Variants in RAP1GAP2 observed in about 807,000 individuals in gnomAD.
The protein encoded by RAP1GAP2 is rap1 GTPase-activating protein 2.
A neutral mutation model predicts 95.0 loss-of-function variants in RAP1GAP2; 27 were observed. The ratio of observed to expected loss-of-function variants is 0.28; its 90% CI spans 0.21 to 0.39. The LOEUF is 0.39. Ranked by LOEUF, RAP1GAP2 falls within the 10% of genes least tolerant of loss-of-function variation. The pLI, the probability that RAP1GAP2 is intolerant of heterozygous loss-of-function variation, is 1.00. For synonymous variants in RAP1GAP2, 373 were observed against 380.9 expected, an observed-to-expected ratio of 0.98 and a Z score of 0.24; for missense variants, 771 against 970.0, an observed-to-expected ratio of 0.79 and a Z score of 2.72.
Position 2,799,698 on chromosome 17 carries a change from G to A in RAP1GAP2, c.45-817G>A, listed in dbSNP as rs145060475. 7.0e-3 allele frequency among the ~76,000 whole-genome samples: 1,071 copies of A among 152,316 alleles called. 8 individuals are homozygous for A. Among genetic ancestry groups the A allele is most frequent in the Non-Finnish European group, 0.011 (756 of 68,026 alleles). Reference sequence around the variant, plus strand: ...CAGCATTGGTGCTGGTGGCAGTGCTGGTGACAGTGGTGGTCACGACCCTTC... The same window carrying A: ...CAGCATTGGTGCTGGTGGCAGTGCTAGTGACAGTGGTGGTCACGACCCTTC... On this transcript the variant is annotated intron_variant, in intron 1 of 24. Transcript: ENST00000254695.
At chr17:2,889,889 A>ATCTATATTT (rs1408426152) in intron 2 of RAP1GAP2, among the ~76,000 whole-genome samples, 1 of 57,324 alleles carries the variant, frequency 1.7e-5, no homozygotes. Context: ...ATATATATAT[A>ATCTATATTT]TTTTTTTTTT....
rs184265094 is a variant in RAP1GAP2 at position 2,783,996 on chromosome 17, G to A, written c.-14+6718G>A. Among the ~76,000 whole-genome samples the A allele has an allele frequency of 1.4e-4, 21 of 152,212 alleles. No individual in the cohort carries two copies. The East Asian group carries it at 3.1e-3, about 22-fold the overall frequency. Reference sequence around the variant, plus strand: ...ATTTTATTTGTTTATTTATTGAGATGGAGTCTTGCTCTGTTGCCCAGGGTG... The same window carrying A: ...ATTTTATTTGTTTATTTATTGAGATAGAGTCTTGCTCTGTTGCCCAGGGTG... On this transcript the variant is annotated intron_variant, in intron 1 of 24. Coordinates refer to the RAP1GAP2 transcript ENST00000540393.
intron 3 of RAP1GAP2, among the ~76,000 whole-genome samples, chr17:2,927,286 T>G (rs1430922935): frequency 6.6e-6 from 1 of 151,906 alleles, no homozygotes; most frequent in East Asian, 2.0e-4. Context: ...CCCGAGTAGC[T>G]GGGACTACAG....
At chr17:2,951,650 C>G (rs1024208275) in intron 3 of RAP1GAP2, among the ~76,000 whole-genome samples, 1 of 151,872 alleles carries the variant, frequency 6.6e-6, no homozygotes, top group African/African-American at 2.4e-5. Flanking sequence ...GCCAGGAGAT[C>G]GAGACTGCAG....
chr17:2,792,893 A>C (rs923218749), upstream of RAP1GAP2, among the ~76,000 whole-genome samples: 4 of 152,214 alleles, frequency 2.6e-5, no homozygotes, highest in Admixed American at 2.6e-4. Flanking sequence ...CCAGGTGTTC[A>C]TAGCTGGGCA....
Position 2,817,044 on chromosome 17 carries a change from G to A in RAP1GAP2, c.80+16494G>A, listed in dbSNP as rs529903086. Among the ~76,000 whole-genome samples, 6 of 94,492 alleles carry A rather than the reference G, an allele frequency of 6.3e-5. 1 individual carries two copies. Among genetic ancestry groups the A allele is most frequent in the South Asian group, 3.4e-4 (1 of 2,952 alleles). 62.0% of individuals were successfully genotyped at this position (94,492 alleles called of 152,430 possible). On this transcript the variant is annotated intron_variant, in intron 2 of 24. Transcript: ENST00000254695. Reference sequence around the variant, plus strand: ...GCTCTGTTGCCCAGGCTGGATTGCCGTGGTATGATCTTGGCTCACTGCAGC... The same window carrying A: ...GCTCTGTTGCCCAGGCTGGATTGCCATGGTATGATCTTGGCTCACTGCAGC...
chr17:2,891,301 C>G (rs933474380), intron 2 of RAP1GAP2, among the ~76,000 whole-genome samples: 4 of 151,974 alleles, frequency 2.6e-5, no homozygotes, highest in African/African-American at 9.7e-5. Flanking sequence ...GTGCTTGCCA[C>G]CATGCCTGGC....
intron 4 of RAP1GAP2, among the ~76,000 whole-genome samples, chr17:2,960,556 G>C (rs2044279602): frequency 6.6e-6 from 1 of 152,244 alleles, no homozygotes; most frequent in South Asian, 2.1e-4. Flanking sequence ...TGTCCACAGA[G>C]TGTGGGGTAC....
chr17:2,936,308 A>G (rs2317469), intron 3 of RAP1GAP2, among the ~76,000 whole-genome samples: 92,076 of 134,514 alleles, frequency 0.68, 32,123 homozygotes, highest in Non-Finnish European at 0.78. Context: ...GCTGGCCTTC[A>G]TGCCTCCTTC....
intron 17 of RAP1GAP2, among the ~76,000 whole-genome samples, chr17:3,015,188 A>G (rs1359226720): frequency 3.6e-5 from 5 of 139,758 alleles, no homozygotes; most frequent in African/African-American, 1.4e-4. Flanking sequence ...TTGCTAGGTG[A>G]CCCTGTTCTA....
chr17:2,820,891 G>GTTTTTTTTTTTTT (rs1475267891), intron 2 of RAP1GAP2, among the ~76,000 whole-genome samples: 7,424 of 112,932 alleles, frequency 0.066, 810 homozygotes, highest in South Asian at 0.12. Context: ...CCCGGATAAT[G>GTTTTTTTTTTTTT]GTTTTTTTTT....
At chr17:2,889,166 C>G (rs975306941) in intron 2 of RAP1GAP2, among the ~76,000 whole-genome samples, 1 of 152,112 alleles carries the variant, frequency 6.6e-6, no homozygotes, top group African/African-American at 2.4e-5. Context: ...GTGCTGTGTT[C>G]CATAGTGGCT....
At chr17:2,974,169 G>A (rs934116057) in intron 8 of RAP1GAP2, among the ~76,000 whole-genome samples, 278 of 142,876 alleles carry the variant, frequency 1.9e-3, no homozygotes, top group Non-Finnish European at 2.8e-3. Context: ...GTGAAACCCT[G>A]TCTCTACTAA....
intron 1 of RAP1GAP2, among the ~76,000 whole-genome samples, chr17:2,764,566 CA>C (rs1391843780): frequency 4.6e-5 from 7 of 151,838 alleles, no homozygotes; most frequent in East Asian, 1.9e-4. Flanking sequence ...ACTAAAAGCA[CA>C]AAAATTAGCT....
chr17:2,906,816 A>C lies in RAP1GAP2; in HGVS notation c.165+1448A>C, dbSNP rs771780651. Among the ~76,000 whole-genome samples, 7 of 152,124 alleles carry C rather than the reference A, an allele frequency of 4.6e-5. No individual in the cohort carries two copies. Among genetic ancestry groups the C allele is most frequent in the Non-Finnish European group, 8.8e-5 (6 of 68,012 alleles). ...ATTTTACTTACTCATGTACTCATTTAATTCATTTAATACCCAGTATTTATT... is the reference window on the plus strand; with the variant it reads ...ATTTTACTTACTCATGTACTCATTTCATTCATTTAATACCCAGTATTTATT... On this transcript the variant is annotated intron_variant, in intron 3 of 24. Coordinates refer to ENST00000254695, the MANE Select transcript of RAP1GAP2 (RefSeq NM_015085.5). The surrounding 1 kb of genome is among the most constrained non-coding windows in gnomAD (Gnocchi z 4.3).
At position 2,933,669 on chromosome 17, in the gene RAP1GAP2, C is replaced by A. The variant is rs544426678; in HGVS notation, c.166-24090C>A. Among the ~76,000 whole-genome samples, 5 of 152,380 alleles carry A rather than the reference C, an allele frequency of 3.3e-5. No homozygotes were observed. In the South Asian group the frequency reaches 1.0e-3, roughly 32 times the overall value. On this transcript the variant is annotated intron_variant, in intron 3 of 24. Transcript: ENST00000254695. ...CTCTAAGCCTTTGCCTGGGCTGTTCCCTCTCCTAGAATGCCTAACCCTCTA... is the reference window on the plus strand; with the variant it reads ...CTCTAAGCCTTTGCCTGGGCTGTTCACTCTCCTAGAATGCCTAACCCTCTA...
chr17:3,025,142 C>T (rs533242709), intron 19 of RAP1GAP2, among the ~76,000 whole-genome samples: 6 of 152,128 alleles, frequency 3.9e-5, no homozygotes, highest in South Asian at 4.1e-4. Flanking sequence ...TCTGGGAGCC[C>T]GATACAGGCA....
At chr17:2,794,692 G>T (rs1211115152), upstream of RAP1GAP2, among the ~76,000 whole-genome samples, 1 of 152,166 alleles carries the variant, frequency 6.6e-6, no homozygotes, top group Non-Finnish European at 1.5e-5. Context: ...GTCCCCTGCT[G>T]TGAAGGAGTC....
upstream of RAP1GAP2, among the ~76,000 whole-genome samples, chr17:2,773,458 C>T (rs2068436472): frequency 6.6e-6 from 1 of 152,084 alleles, no homozygotes; most frequent in Admixed American, 6.6e-5. Flanking sequence ...GCCACATGGG[C>T]AGGGGGATGG....
Sources: gnomAD v4.1 joint callset for allele counts (sites outside exome capture counted in the v4.1 genomes callset) on GRCh38, gnomAD v4.1.1 for gene constraint, Gnocchi (gnomAD v3.1) non-coding constraint, MANE v1.5 for transcripts, NCBI Gene and HGNC (gene_info 2026-07-23, HGNC 2026-07-21) for gene names.